The following DCAF6 variants were observed in gnomAD, a reference collection of about 807,000 sequenced individuals.
The protein encoded by DCAF6 is DDB1- and CUL4-associated factor 6.
DCAF6 carries 54 observed loss-of-function variants against 125.1 expected under a neutral mutation model. The ratio of observed to expected loss-of-function variants is 0.43; its 90% CI spans 0.35 to 0.54. The LOEUF is 0.54. DCAF6 is among the 20% of genes least tolerant of loss of function. The pLI is 0.01. For synonymous variants in DCAF6, 371 were observed against 390.4 expected, an observed-to-expected ratio of 0.95 and a Z score of 0.58; for missense variants, 934 against 1,161.7, an observed-to-expected ratio of 0.80 and a Z score of 2.85.
intron 7 of DCAF6, among the ~76,000 whole-genome samples, chr1:167,999,870 G>C (rs1036135026): frequency 3.3e-5 from 5 of 152,078 alleles, no homozygotes; most frequent in African/African-American, 9.7e-5. Context: ...ATGTCCACTG[G>C]AGTAGCACTT....
At chr1:168,043,315 G>A (rs1431718481) in intron 14 of DCAF6, among the ~76,000 whole-genome samples, 175 bp downstream of exon 14, 1 of 152,262 alleles carries the variant, frequency 6.6e-6, no homozygotes, top group East Asian at 1.9e-4. Context: ...ACCTTAAGCA[G>A]TTAAAATGAG....
the DCAF6 span, among the ~76,000 whole-genome samples, chr1:167,899,918 T>C: frequency 2.0e-5 from 3 of 152,236 alleles, no homozygotes; most frequent in Non-Finnish European, 2.9e-5. Flanking sequence ...TTTCTTCAAT[T>C]ATGTATACTT....
intron 4 of DCAF6, among the ~76,000 whole-genome samples, chr1:167,983,896 C>A (rs1324108461): frequency 1.3e-5 from 2 of 152,076 alleles, no homozygotes; most frequent in Admixed American, 6.5e-5. Flanking sequence ...GGCAGCTTTT[C>A]CAGGGAACTT....
In DCAF6 at chr1:168,003,969, G is replaced by A. The variant is rs370291307; in HGVS notation, c.1097G>A (p.Arg366Gln). ...GAGGTTGCACAAAGCAATAGAGGAC[G>A]AGGAAGATCTCGACCCAGAGGTAAT... The part of the protein sequence containing the change: ...ASEVAQSNRG[R>Q]GRSRPRGGTS... Residue 366 changes from arginine to glutamine, a missense_variant, in exon 9 of 22, where the codon CGA becomes CAA. By Grantham distance (43) the Arg-to-Gln change is conservative. Around this residue, in one of 5 missense-constraint regions of DCAF6, gnomAD observed 559 missense variants for 635.5 expected, o/e 0.88. Coordinates refer to ENST00000367840, the MANE Select transcript of DCAF6 (RefSeq NM_001198956.2). The A allele has an allele frequency of 7.8e-5, 126 of 1,612,210 alleles. 1 individual carries two copies. In the Middle Eastern group the frequency reaches 1.4e-3, roughly 17 times the overall value.
At chr1:167,928,779 A>T in the DCAF6 span, among the ~76,000 whole-genome samples, 2 of 152,220 alleles carry the variant, frequency 1.3e-5, no homozygotes, top group Non-Finnish European at 2.9e-5. Flanking sequence ...TAGAATAAGC[A>T]GAAGTATAAA....
chr1:168,030,876 G>A (rs919006378), intron 12 of DCAF6, among the ~76,000 whole-genome samples: 15 of 152,214 alleles, frequency 9.9e-5, no homozygotes, highest in Non-Finnish European at 7.3e-5. Context: ...TTCAGCCACT[G>A]CAAGAGTAGC....
At chr1:167,918,102 T>A in the DCAF6 span, 2 of 437,192 alleles carry the variant, frequency 4.6e-6, no homozygotes, top group Admixed American at 4.0e-5. Context: ...TACGGACAAA[T>A]GGTAGAAAAA....
chr1:168,040,797 G>A (rs752337879), intron 13 of DCAF6, among the ~76,000 whole-genome samples: 2 of 143,950 alleles, frequency 1.4e-5, no homozygotes, highest in African/African-American at 5.1e-5. Flanking sequence ...AACTGACCAT[G>A]AATTATATTC....
intron 18 of DCAF6, among the ~76,000 whole-genome samples, chr1:168,065,302 G>A (rs1692181910): frequency 6.6e-6 from 1 of 151,786 alleles, no homozygotes; most frequent in Non-Finnish European, 1.5e-5. Flanking sequence ...GAAGCTAGAA[G>A]ACAGATTTTT....
At chr1:168,073,566 C>T (rs1020817167) in intron 21 of DCAF6, among the ~76,000 whole-genome samples, 1 of 152,138 alleles carries the variant, frequency 6.6e-6, no homozygotes, top group African/African-American at 2.4e-5. Context: ...CTACTGCAAA[C>T]TCCCTGATTT....
At chr1:167,934,735 G>C (rs1351580917), upstream of DCAF6, among the ~76,000 whole-genome samples, 1 of 152,118 alleles carries the variant, frequency 6.6e-6, no homozygotes. Flanking sequence ...GAGAATAAAA[G>C]CCACTTTTCG....
At chr1:167,965,809 A>G (rs1374498541) in intron 2 of DCAF6, among the ~76,000 whole-genome samples, 1 of 151,910 alleles carries the variant, frequency 6.6e-6, no homozygotes, top group Non-Finnish European at 1.5e-5. Context: ...TAATTTTTGT[A>G]TTTTTAGTAG....
In DCAF6 at chr1:168,002,479, T is replaced by C. The variant is rs746032366; in HGVS notation, c.904-3T>C. On this transcript the variant is annotated splice_region_variant and splice_polypyrimidine_tract_variant and intron_variant, in intron 7 of 21. Coordinates refer to ENST00000367840, the MANE Select transcript of DCAF6 (RefSeq NM_001198956.2). ...ATAGAATTTACCCGTTCTTATTTTT[T>C]AGTTGCGACAACCACCAGTTAAGCG... 2 of 1,612,600 alleles carry C rather than the reference T, an allele frequency of 1.2e-6. No individual in the cohort carries two copies. Among genetic ancestry groups the C allele is most frequent in the African/African-American group, 1.3e-5 (1 of 74,978 alleles).
rs141683052 is a variant in DCAF6, at chr1:167,949,596, G to T, written c.98-2204G>T. On this transcript the variant is annotated intron_variant, in intron 1 of 21. Transcript: ENST00000367840. Reference sequence around the variant, plus strand: ...TCTTCAAGTTTCCCTATGAGACTTGGATTACAGGAAGAACCAATGTAAACC... The same window carrying T: ...TCTTCAAGTTTCCCTATGAGACTTGTATTACAGGAAGAACCAATGTAAACC... Among the ~76,000 whole-genome samples the T allele has an allele frequency of 4.8e-3, 727 of 152,246 alleles. 4 individuals are homozygous for T. Among genetic ancestry groups the T allele is most frequent in the African/African-American group, 0.016 (685 of 41,528 alleles).
chr1:168,023,232 T>C (rs1685887376), intron 12 of DCAF6, 185 bp downstream of exon 12: 1 of 610,190 alleles, frequency 1.6e-6, no homozygotes, highest in South Asian at 2.3e-5. Flanking sequence ...TACAGATTAT[T>C]TTCTATGTAA....
chr1:167,909,537 A>T, the DCAF6 span, among the ~76,000 whole-genome samples: 1 of 150,288 alleles, frequency 6.7e-6, no homozygotes, highest in Admixed American at 6.6e-5. Context: ...TTCTTAAAAC[A>T]TTATGAGATT....
chr1:167,885,862 C>T, the DCAF6 span, among the ~76,000 whole-genome samples: 1 of 152,172 alleles, frequency 6.6e-6, no homozygotes, highest in East Asian at 1.9e-4. Flanking sequence ...GACTTGCCCA[C>T]CTCGGCCTCC....
At chr1:167,975,877 G>A (rs1678073241) in intron 4 of DCAF6, among the ~76,000 whole-genome samples, 1 of 152,048 alleles carries the variant, frequency 6.6e-6, no homozygotes, top group South Asian at 2.1e-4. Context: ...TGAAATACTT[G>A]CATGTCATTT....
chr1:167,937,304 CTT>C, intron 1 of DCAF6: 1 of 424,276 alleles, frequency 2.4e-6, no homozygotes, highest in Non-Finnish European at 4.5e-6. Flanking sequence ...ACTCGGGAGA[CTT>C]GCGGAACCTC....
Sources: gnomAD v4.1 joint callset for allele counts (sites outside exome capture counted in the v4.1 genomes callset) on GRCh38, gnomAD v4.1.1 for gene constraint, gnomAD v4.1.1 regional missense constraint, MANE v1.5 for transcripts, NCBI Gene and HGNC (gene_info 2026-07-23, HGNC 2026-07-21) for gene names.